The following PSPC1 variants were observed in gnomAD, a reference collection of about 807,000 sequenced individuals.
PSPC1 encodes paraspeckle protein 1.
Under a neutral mutation model 51.6 loss-of-function variants are expected in PSPC1, and 14 were observed. That is an observed-to-expected ratio of 0.27 (90% CI 0.18 to 0.42). The LOEUF (loss-of-function observed/expected upper bound fraction) is 0.42. Among genes scored for constraint, PSPC1 ranks in the 10% least tolerant of loss-of-function variants. PSPC1 has a pLI of 1.00. For synonymous variants in PSPC1, 193 were observed against 231.9 expected, an observed-to-expected ratio of 0.83 and a Z score of 1.53; for missense variants, 406 against 701.1, an observed-to-expected ratio of 0.58 and a Z score of 4.75.
chr13:19,741,688 C>A (rs767648362), intron 4 of PSPC1, 39 bp from the exon 5 acceptor site: 31 of 1,349,378 alleles, frequency 2.3e-5, no homozygotes, highest in Non-Finnish European at 3.2e-5. Flanking sequence ...TTTTAGTTTC[C>A]CTTTCCATAT....
chr13:19,721,553 C>G (rs756159196), intron 6 of PSPC1, among the ~76,000 whole-genome samples: 1 of 152,102 alleles, frequency 6.6e-6, no homozygotes, highest in Non-Finnish European at 1.5e-5. Context: ...CACAAAAGTA[C>G]CAAGACTATT....
At chr13:19,724,641 TCAGGAGTTCGAGAC>T (rs1160897951) in intron 6 of PSPC1, among the ~76,000 whole-genome samples, 1 of 152,052 alleles carries the variant, frequency 6.6e-6, no homozygotes, top group Non-Finnish European at 1.5e-5. Flanking sequence ...GGTCACGAGG[TCAGGAGTTCGAGAC>T]CAGCCTGACC....
chr13:19,772,004 A>G (rs770762514), intron 2 of PSPC1, among the ~76,000 whole-genome samples: 26 of 152,222 alleles, frequency 1.7e-4, no homozygotes, highest in Non-Finnish European at 3.1e-4. Context: ...ATATATGTTC[A>G]TTAAGTTAAA....
At chr13:19,728,648 C>T (rs1440319332) in intron 6 of PSPC1, among the ~76,000 whole-genome samples, 2 of 152,088 alleles carry the variant, frequency 1.3e-5, no homozygotes, top group African/African-American at 2.4e-5. Context: ...ATTCATATTG[C>T]TTTTAGTGCT....
intron 6 of PSPC1, among the ~76,000 whole-genome samples, chr13:19,712,891 A>T (rs1881614219): frequency 6.6e-6 from 1 of 152,196 alleles, no homozygotes; most frequent in Non-Finnish European, 1.5e-5. Context: ...GGGGCAAAAG[A>T]AATTTTCAGC....
chr13:19,677,666 T>G, intron 7 of PSPC1: 1 of 411,176 alleles, frequency 2.4e-6, no homozygotes, highest in Non-Finnish European at 4.8e-6. Context: ...TAGAAAAAAC[T>G]AGGAAGAAAC....
At chr13:19,701,648 G>T (rs1007175510), downstream of PSPC1, among the ~76,000 whole-genome samples, 13 of 152,158 alleles carry the variant, frequency 8.5e-5, no homozygotes, top group Non-Finnish European at 1.6e-4. Context: ...CATCAATTAT[G>T]CTTTACAACC....
chr13:19,706,031 G>A (rs1290128296), intron 7 of PSPC1, among the ~76,000 whole-genome samples, 200 bp from the exon 8 acceptor site: 7 of 152,248 alleles, frequency 4.6e-5, no homozygotes, highest in Admixed American at 4.6e-4. Context: ...CAAGCCAAAC[G>A]TACATAAAAT....
chr13:19,709,019 C>A (rs1293631866), intron 7 of PSPC1, among the ~76,000 whole-genome samples: 3 of 151,748 alleles, frequency 2.0e-5, no homozygotes, highest in Non-Finnish European at 2.9e-5. Context: ...AAAAAATAAG[C>A]CAGGCGTGGT....
chr13:19,686,920 G>A (rs1297071099), intron 6 of PSPC1, among the ~76,000 whole-genome samples: 3 of 152,146 alleles, frequency 2.0e-5, no homozygotes, highest in Non-Finnish European at 4.4e-5. Flanking sequence ...TTTAGGGGTG[G>A]GCGCGGTGGC....
At chr13:19,765,428 GATA>G (rs1434569042) in intron 2 of PSPC1, among the ~76,000 whole-genome samples, 2 of 149,138 alleles carry the variant, frequency 1.3e-5, no homozygotes, top group Non-Finnish European at 3.0e-5. Flanking sequence ...ACTAGGATCT[GATA>G]ATGATATCTT....
rs34432573 is a variant in PSPC1 at position 19,777,118 on chromosome 13, T to TAAA, written c.373-4578_373-4576dup. 5.9e-3 allele frequency among the ~76,000 whole-genome samples: 513 copies of TAAA among 87,372 alleles called. 10 individuals carry two copies. Among genetic ancestry groups the TAAA allele is most frequent in the African/African-American group, 7.2e-3 (154 of 21,346 alleles). 57.3% of individuals were successfully genotyped at this position (87,372 alleles called of 152,430 possible). On this transcript the variant is annotated intron_variant, in intron 1 of 8. Coordinates refer to ENST00000338910, the MANE Select transcript of PSPC1 (RefSeq NM_001354909.2). ...GCCTGGGTGACAGCGAGGCTCCATC[T>TAAA]AAAAAAAAAAAAAAAAAAAGAGGCC...
In PSPC1 at chr13:19,694,003, G is replaced by A. The variant is rs1443335249; in HGVS notation, c.1159-16180C>T. Among the ~76,000 whole-genome samples, 5 of 151,210 alleles carry A rather than the reference G, an allele frequency of 3.3e-5. No homozygotes were observed. In the East Asian group the frequency reaches 7.8e-4, roughly 24 times the overall value. On this transcript the variant is annotated intron_variant and NMD_transcript_variant, in intron 6 of 7. Transcript: ENST00000471658. ...CCGGGTGTGGTGGCGGGCGCCTGTA[G>A]TCCCAGCTACTTGGGAGGCTGAGGC...
At chr13:19,761,497 TC>T (rs1165159192) in intron 2 of PSPC1, among the ~76,000 whole-genome samples, 6 of 152,126 alleles carry the variant, frequency 3.9e-5, no homozygotes, top group African/African-American at 1.4e-4. Flanking sequence ...GTTTTTGGAC[TC>T]CAAAAGCTTC....
Position 19,704,161 on chromosome 13 carries a change from T to C in PSPC1, c.1387-801A>G, listed in dbSNP as rs551890103. 3.3e-5 allele frequency among the ~76,000 whole-genome samples: 5 copies of C among 152,398 alleles called. No homozygotes were observed. The South Asian group carries it at 1.0e-3, about 32-fold the overall frequency. On this transcript the variant is annotated intron_variant, in intron 8 of 8. Transcript: ENST00000338910. ...AGTTAATGTTACTTCTATGTTTCTA[T>C]TGATGATTATATGCCACACAAAAAC...
intron 4 of PSPC1, among the ~76,000 whole-genome samples, chr13:19,746,178 C>T (rs1183541343): frequency 2.0e-5 from 3 of 151,726 alleles, no homozygotes; most frequent in Non-Finnish European, 2.9e-5. Context: ...CTGAGGTGGG[C>T]GGATCACGAG....
intron 6 of PSPC1, among the ~76,000 whole-genome samples, chr13:19,718,046 A>G (rs1406913201): frequency 6.6e-6 from 1 of 152,128 alleles, no homozygotes; most frequent in Non-Finnish European, 1.5e-5. Context: ...TCACTCCAAA[A>G]AAATTTTTAA....
At chr13:19,709,806 G>A (rs1881168225) in intron 6 of PSPC1, among the ~76,000 whole-genome samples, 3 of 151,286 alleles carry the variant, frequency 2.0e-5, no homozygotes, top group Admixed American at 2.0e-4. Context: ...AATGCATCCA[G>A]TTTATATTGC....
chr13:19,700,114 G>A (rs1012020479), downstream of PSPC1, among the ~76,000 whole-genome samples: 9 of 151,896 alleles, frequency 5.9e-5, no homozygotes, highest in Non-Finnish European at 1.2e-4. Flanking sequence ...TTCTCATTCA[G>A]AATCTATGTT....
Sources: allele counts gnomAD v4.1 joint callset (sites outside exome capture counted in the v4.1 genomes callset), GRCh38; gene constraint gnomAD v4.1.1; transcripts MANE v1.5; gene names NCBI Gene and HGNC (gene_info 2026-07-23, HGNC 2026-07-21).